Variants in WWOX observed in about 807,000 individuals in gnomAD.
The protein encoded by WWOX is WW domain containing oxidoreductase.
In WWOX, 69 loss-of-function variants were observed where a neutral mutation model predicts 46.2. That is an observed-to-expected ratio of 1.49 (90% CI 1.23 to 1.82). WWOX has a LOEUF of 1.82. Ranked by LOEUF, WWOX falls within the 40% of genes most tolerant of loss-of-function variation. The pLI is 0.00. For missense variants in WWOX, 919 were observed against 542.6 expected, an observed-to-expected ratio of 1.69 and a Z score of -6.89; for synonymous variants, 359 against 202.6, an observed-to-expected ratio of 1.77 and a Z score of -6.56.
chr16:78,975,151 C>CT (rs2046546082), intron 8 of WWOX, among the ~76,000 whole-genome samples: 2 of 152,294 alleles, frequency 1.3e-5, no homozygotes, highest in African/African-American at 2.4e-5. Context: ...CTTAAAAAGT[C>CT]AACATTGTTA....
In WWOX at chr16:78,350,292, A is replaced by G. The variant is rs773130100; in HGVS notation, c.517-36568A>G. On this transcript the variant is annotated intron_variant, in intron 5 of 8. Coordinates refer to ENST00000566780, the MANE Select transcript of WWOX (RefSeq NM_016373.4). ...TTTTCTCAAGCTACTTTATTGATAT[A>G]TAACACAGATACATAAACTTTGCCC... is the stretch of plus-strand genomic sequence containing the variant. Among the ~76,000 whole-genome samples, 4 of 121,798 alleles carry G rather than the reference A, an allele frequency of 3.3e-5. 2 individuals are homozygous for G. Among genetic ancestry groups the G allele is most frequent in the Non-Finnish European group, 7.9e-5 (4 of 50,904 alleles). The allele number at this position is 121,798 out of a possible 152,430, so 79.9% of individuals were successfully genotyped here.
At chr16:78,637,803 C>G (rs905716122) in intron 8 of WWOX, among the ~76,000 whole-genome samples, 1 of 152,108 alleles carries the variant, frequency 6.6e-6, no homozygotes, top group Admixed American at 6.5e-5. Context: ...GCCTGGGTAA[C>G]ATTGTCCCAG....
chr16:78,382,741 C>T (rs574831204), intron 5 of WWOX, among the ~76,000 whole-genome samples: 1 of 152,070 alleles, frequency 6.6e-6, no homozygotes, highest in African/African-American at 2.4e-5. Flanking sequence ...AGTTCTATGT[C>T]TTGAATGTGG....
At chr16:78,974,742 G>A (rs1173600451) in intron 8 of WWOX, among the ~76,000 whole-genome samples, 1 of 152,158 alleles carries the variant, frequency 6.6e-6, no homozygotes, top group Non-Finnish European at 1.5e-5. Flanking sequence ...CCCACACTTG[G>A]TCTCTGGTGT....
chr16:78,370,980 C>CTT lies in WWOX; in HGVS notation c.517-15865_517-15864dup, dbSNP rs66999008. On this transcript the variant is annotated intron_variant, in intron 5 of 8. Transcript: ENST00000566780. ...TTGCTCTGAGACTGTGTTGTGATTT[C>CTT]TTTTTTTTTTTTTTTTACTTGTTTG... Among the ~76,000 whole-genome samples the CTT allele has an allele frequency of 2.4e-3, 323 of 134,398 alleles. 5 individuals carry two copies. The highest frequency in any genetic ancestry group is 7.1e-3 in the African/African-American group (258 of 36,324). The allele number at this position is 134,398 out of a possible 152,430, so 88.2% of individuals were successfully genotyped here.
intron 8 of WWOX, among the ~76,000 whole-genome samples, chr16:79,096,248 C>T (rs2049070196): frequency 6.6e-6 from 1 of 152,166 alleles, no homozygotes. Context: ...GAACCAGAAT[C>T]TCCTTTGAAA....
intron 5 of WWOX, among the ~76,000 whole-genome samples, chr16:78,352,095 C>T (rs758556146): frequency 2.0e-5 from 3 of 152,126 alleles, no homozygotes; most frequent in Admixed American, 2.0e-4. Flanking sequence ...GGGTCAGTGC[C>T]CCATCTCAAG....
intron 8 of WWOX, among the ~76,000 whole-genome samples, chr16:78,728,818 G>A (rs963557147): frequency 9.2e-5 from 14 of 152,142 alleles, no homozygotes; most frequent in Non-Finnish European, 2.1e-4. Context: ...TATGCTATGG[G>A]ACCTCAGGTA....
intron 8 of WWOX, among the ~76,000 whole-genome samples, chr16:79,142,153 G>C (rs976852776): frequency 2.0e-5 from 3 of 152,058 alleles, no homozygotes; most frequent in African/African-American, 4.8e-5. Context: ...TCCTTGCTCT[G>C]TGTCAGGCCA....
At chr16:78,793,407 T>A (rs962818904) in intron 8 of WWOX, among the ~76,000 whole-genome samples, 1 of 152,160 alleles carries the variant, frequency 6.6e-6, no homozygotes, top group African/African-American at 2.4e-5. Context: ...CTGCACAGAC[T>A]ATACGGCTGC....
At chr16:78,756,587 A>G (rs1461148439) in intron 8 of WWOX, among the ~76,000 whole-genome samples, 2 of 152,220 alleles carry the variant, frequency 1.3e-5, no homozygotes, top group East Asian at 3.9e-4. Flanking sequence ...TGATATTCCT[A>G]TGAGAGTTTC....
At chr16:78,293,296 A>G (rs753436427) in intron 5 of WWOX, among the ~76,000 whole-genome samples, 3 of 152,162 alleles carry the variant, frequency 2.0e-5, no homozygotes, top group African/African-American at 7.2e-5. Context: ...TGGGAGCTGG[A>G]TGGTGCTTAA....
chr16:78,237,073 CAAAAA>C (rs35866443), intron 5 of WWOX, among the ~76,000 whole-genome samples: 1 of 80,812 alleles, frequency 1.2e-5, no homozygotes, highest in Non-Finnish European at 2.4e-5. Flanking sequence ...GACTCCGTCT[CAAAAA>C]AAAAAAAAAA....
intron 8 of WWOX, among the ~76,000 whole-genome samples, chr16:78,887,951 C>G (rs2044502582): frequency 6.6e-6 from 1 of 152,194 alleles, no homozygotes; most frequent in Admixed American, 6.5e-5. Flanking sequence ...AAAGCTCACT[C>G]TGACAAACAA....
chr16:78,487,460 A>G (rs553555309), intron 8 of WWOX, among the ~76,000 whole-genome samples: 3 of 152,272 alleles, frequency 2.0e-5, no homozygotes, highest in South Asian at 2.1e-4. Context: ...CCGTCTTTGC[A>G]TGGTGTTACA....
chr16:78,272,924 T>C (rs1006589295), intron 5 of WWOX, among the ~76,000 whole-genome samples: 17 of 152,098 alleles, frequency 1.1e-4, no homozygotes, highest in African/African-American at 3.6e-4. Flanking sequence ...ATGTTGAAGG[T>C]TTAGGAGTGC....
At chr16:78,166,202 C>G (rs12926108) in intron 5 of WWOX, among the ~76,000 whole-genome samples, 11,945 of 151,642 alleles carry the variant, frequency 0.079, 559 homozygotes, top group Non-Finnish European at 0.11. Flanking sequence ...CAGGAGATCT[C>G]TTATTAGTGC....
chr16:78,602,696 A>C (rs1447881519), intron 8 of WWOX, among the ~76,000 whole-genome samples: 2 of 152,208 alleles, frequency 1.3e-5, no homozygotes, highest in Non-Finnish European at 2.9e-5. Flanking sequence ...GGAATAGTGA[A>C]AATAACAATA....
rs562717155 is a variant in WWOX, at chr16:78,787,366, G to C, written c.1056+354614G>C. 2.0e-5 allele frequency among the ~76,000 whole-genome samples: 3 copies of C among 152,046 alleles called. No homozygotes were observed. The East Asian group carries it at 5.8e-4, about 29-fold the overall frequency. ...AGCCCCTCATAACCACATCTACTTT[G>C]TGTCTCTATAGATTTGACTATTCTG... is the stretch of plus-strand genomic sequence containing the variant. On this transcript the variant is annotated intron_variant, in intron 8 of 8. Transcript: ENST00000566780.
Sources: gnomAD v4.1 joint callset for allele counts (sites outside exome capture counted in the v4.1 genomes callset) on GRCh38, gnomAD v4.1.1 for gene constraint, MANE v1.5 for transcripts, NCBI Gene and HGNC (gene_info 2026-07-23, HGNC 2026-07-21) for gene names.